Variants in DPP10 observed in about 807,000 individuals in gnomAD.
DPP10 encodes dipeptidyl peptidase like 10, also known as inactive dipeptidyl peptidase 10.
Under a neutral mutation model 120.9 loss-of-function variants are expected in DPP10, and 33 were observed. That is an observed-to-expected ratio of 0.27 (90% CI 0.21 to 0.37). DPP10 has a LOEUF of 0.37. DPP10 is among the 10% of genes least tolerant of loss of function. DPP10 has a pLI of 1.00. For synonymous variants in DPP10, 337 were observed against 326.1 expected (o/e 1.03, Z -0.36); for missense variants, 816 against 942.8 (o/e 0.87, Z 1.76).
intron 1 of DPP10, among the ~76,000 whole-genome samples, chr2:114,941,472 T>A (rs948372415): frequency 3.9e-5 from 6 of 152,220 alleles, no homozygotes; most frequent in Non-Finnish European, 8.8e-5. Flanking sequence ...CCTTGGATAT[T>A]ACAAGTTAAG....
chr2:115,362,128 G>A (rs934507073), intron 3 of DPP10, among the ~76,000 whole-genome samples: 1 of 152,116 alleles, frequency 6.6e-6, no homozygotes, highest in African/African-American at 2.4e-5. Flanking sequence ...ATGAGCCATT[G>A]AGAACTTTGG....
intron 1 of DPP10, among the ~76,000 whole-genome samples, chr2:114,709,292 A>C (rs1339214121): frequency 6.6e-6 from 1 of 152,138 alleles, no homozygotes; most frequent in Non-Finnish European, 1.5e-5. Context: ...ATCCAGGTTC[A>C]TTTTGATTTC....
At chr2:115,194,506 T>G (rs1374665860) in intron 1 of DPP10, among the ~76,000 whole-genome samples, 1 of 152,188 alleles carries the variant, frequency 6.6e-6, no homozygotes, top group Non-Finnish European at 1.5e-5. Context: ...GCTACGCACT[T>G]GTTTACACTG....
chr2:114,586,629 T>C (rs1195581330), intron 1 of DPP10, among the ~76,000 whole-genome samples: 2 of 152,200 alleles, frequency 1.3e-5, no homozygotes, highest in East Asian at 3.9e-4. Flanking sequence ...CTATGGTTTG[T>C]ATACGGTTTG....
chr2:115,289,067 C>G (rs1377186516), intron 1 of DPP10, among the ~76,000 whole-genome samples: 1 of 152,098 alleles, frequency 6.6e-6, no homozygotes, highest in East Asian at 1.9e-4. Flanking sequence ...CCAAAACACT[C>G]CCGGATTTGA....
At chr2:114,859,870 A>C (rs963128277) in intron 1 of DPP10, among the ~76,000 whole-genome samples, 5 of 152,192 alleles carry the variant, frequency 3.3e-5, no homozygotes, top group African/African-American at 1.2e-4. Context: ...GCTAGGCTAG[A>C]CCAGGGCTTC....
chr2:115,196,006 A>G (rs553485588), intron 1 of DPP10, among the ~76,000 whole-genome samples: 4 of 152,366 alleles, frequency 2.6e-5, no homozygotes, highest in African/African-American at 9.6e-5. Flanking sequence ...AGGAATACAC[A>G]GGATCAATAT....
At chr2:115,447,226 G>A in intron 3 of DPP10, among the ~76,000 whole-genome samples, 1 of 152,150 alleles carries the variant, frequency 6.6e-6, no homozygotes, top group Non-Finnish European at 1.5e-5. Flanking sequence ...CTTTACTTTG[G>A]CCAATTTCTC....
chr2:115,010,202 G>A (rs906477663), intron 1 of DPP10, among the ~76,000 whole-genome samples: 1 of 152,176 alleles, frequency 6.6e-6, no homozygotes, highest in African/African-American at 2.4e-5. Flanking sequence ...ACACATTTAT[G>A]TAACAATGGA....
At chr2:114,528,393 T>C (rs1387681589) in intron 1 of DPP10, among the ~76,000 whole-genome samples, 1 of 152,142 alleles carries the variant, frequency 6.6e-6, no homozygotes, top group Non-Finnish European at 1.5e-5. Flanking sequence ...GAGTGAACAC[T>C]GTTACTGCAG....
chr2:115,210,345 T>C (rs1206426170), intron 1 of DPP10, among the ~76,000 whole-genome samples: 3 of 152,188 alleles, frequency 2.0e-5, no homozygotes, highest in Admixed American at 6.6e-5. Flanking sequence ...ACAAAGGACA[T>C]GAACTGATCA....
At chr2:114,686,704 A>G (rs1307077749) in intron 1 of DPP10, among the ~76,000 whole-genome samples, 1 of 151,946 alleles carries the variant, frequency 6.6e-6, no homozygotes, top group Non-Finnish European at 1.5e-5. Flanking sequence ...ATTTTGGATC[A>G]CATGTCTATC....
chr2:115,599,075 A>G (rs551809366), intron 5 of DPP10, among the ~76,000 whole-genome samples: 5 of 150,518 alleles, frequency 3.3e-5, no homozygotes, highest in African/African-American at 1.2e-4. Flanking sequence ...CTCTAAAATC[A>G]TATGTTATTT....
In DPP10 at chr2:115,095,574, G is replaced by GT. The variant is rs924847937; in HGVS notation, c.61-213655dup. On this transcript the variant is annotated intron_variant, in intron 1 of 25. Coordinates refer to ENST00000410059, the MANE Select transcript of DPP10 (RefSeq NM_020868.6). ...AAAAGGAATTCTGCAATTCTGTTTG[G>GT]TTTTTTTTTTGTTTTTTTTTTTTGA... Among the ~76,000 whole-genome samples, 193 of 137,754 alleles carry GT rather than the reference G, an allele frequency of 1.4e-3. 4 individuals are homozygous for GT. The highest frequency in any genetic ancestry group is 1.3e-3 in the Non-Finnish European group (80 of 63,544). The allele number at this position is 137,754 out of a possible 152,430, so 90.4% of individuals were successfully genotyped here. A position where few individuals can be genotyped will look rare whatever the true frequency, so the allele number is the denominator to read the frequency against.
intron 1 of DPP10, among the ~76,000 whole-genome samples, chr2:114,626,403 G>A (rs957169807): frequency 1.3e-5 from 2 of 151,924 alleles, no homozygotes; most frequent in African/African-American, 4.8e-5. Context: ...TCAGAATTTA[G>A]ATATTGTTTT....
chr2:115,289,468 T>G (rs1396691797), intron 1 of DPP10, among the ~76,000 whole-genome samples: 2 of 24,970 alleles, frequency 8.0e-5, no homozygotes, highest in African/African-American at 3.3e-4. Context: ...AAAACAAGCC[T>G]AAAATTCATA....
intron 17 of DPP10, among the ~76,000 whole-genome samples, chr2:115,789,736 A>G (rs1309418218): frequency 6.6e-6 from 1 of 152,224 alleles, no homozygotes; most frequent in East Asian, 1.9e-4. Context: ...CACACAATAA[A>G]CTATTGAAAA....
intron 1 of DPP10, among the ~76,000 whole-genome samples, chr2:114,663,665 A>ATG (rs1436197404): frequency 8.1e-6 from 1 of 123,886 alleles, no homozygotes; most frequent in African/African-American, 3.2e-5. Flanking sequence ...ATATATATAT[A>ATG]TATAGAGAGA....
chr2:114,807,090 T>A (rs879694284), intron 1 of DPP10, among the ~76,000 whole-genome samples: 4 of 152,328 alleles, frequency 2.6e-5, no homozygotes, highest in Admixed American at 6.5e-5. Context: ...ATAATGCACA[T>A]ATGAGAAAGT....
Sources: gnomAD v4.1 joint callset for allele counts (sites outside exome capture counted in the v4.1 genomes callset) on GRCh38, gnomAD v4.1.1 for gene constraint, MANE v1.5 for transcripts, NCBI Gene and HGNC (gene_info 2026-07-23, HGNC 2026-07-21) for gene names.